RIC1: variants seen among roughly 807,000 people sequenced by gnomAD.
RIC1 encodes the protein RIC1 partner of RAB6A GEF complex, also known as guanine nucleotide exchange factor subunit RIC1.
RIC1 carries 88 observed loss-of-function variants against 169.0 expected under a neutral mutation model. The observed-to-expected ratio is 0.52, with a 90% confidence interval of 0.44 to 0.62. The LOEUF (loss-of-function observed/expected upper bound fraction) is 0.62. Among genes scored for constraint, RIC1 ranks in the 20% least tolerant of loss-of-function variants. The pLI is 0.00. For missense variants in RIC1, 1,877 were observed against 1,725.5 expected (o/e 1.09, Z -1.56); for synonymous variants, 790 against 601.5 (o/e 1.31, Z -4.59).
Position 5,629,274 on chromosome 9 carries a change from G to T in RIC1, c.-36G>T. The T allele has an allele frequency of 6.9e-7, 1 of 1,446,916 alleles. No homozygotes were observed. Among genetic ancestry groups the T allele is most frequent in the Non-Finnish European group, 9.1e-7 (1 of 1,098,394 alleles). 89.6% of individuals were successfully genotyped at this position (1,446,916 alleles called of 1,614,324 possible). ...CAGCCCGGGGCCGCTGAGTGTGACG[G>T]ACGCAACTGGGGGCGCCGGGGGCTC... On this transcript the variant is annotated 5_prime_UTR_variant, in exon 1 of 26. Coordinates refer to ENST00000414202, the MANE Select transcript of RIC1 (RefSeq NM_020829.4).
intron 1 of RIC1, among the ~76,000 whole-genome samples, chr9:5,645,838 T>G (rs921350720): frequency 1.3e-5 from 2 of 152,218 alleles, no homozygotes; most frequent in African/African-American, 4.8e-5. Flanking sequence ...TCTTGGATAT[T>G]GTGAATAATG....
At chr9:5,736,686 CT>C (rs1347039398) in intron 7 of RIC1, among the ~76,000 whole-genome samples, 1 of 152,058 alleles carries the variant, frequency 6.6e-6, no homozygotes, top group African/African-American at 2.4e-5. Flanking sequence ...TGAAATTAAA[CT>C]TCTAGAGGTG....
At chr9:5,653,258 C>G (rs1249888223) in intron 1 of RIC1, among the ~76,000 whole-genome samples, 2 of 151,934 alleles carry the variant, frequency 1.3e-5, no homozygotes, top group African/African-American at 4.8e-5. Flanking sequence ...GTGTCTATTT[C>G]TGGGCTCTCT....
intron 3 of RIC1, among the ~76,000 whole-genome samples, chr9:5,704,925 C>G (rs924616630): frequency 6.6e-6 from 1 of 152,090 alleles, no homozygotes; most frequent in Non-Finnish European, 1.5e-5. Flanking sequence ...AATGTTGTTT[C>G]CCCTGTTGAG....
chr9:5,725,468 C>G (rs1823908325), intron 6 of RIC1, among the ~76,000 whole-genome samples: 1 of 152,116 alleles, frequency 6.6e-6, no homozygotes, highest in African/African-American at 2.4e-5. Flanking sequence ...ATTAGTCTTG[C>G]TAGTGGTCTA....
At chr9:5,684,601 A>G (rs1044586693) in intron 2 of RIC1, among the ~76,000 whole-genome samples, 1 of 152,120 alleles carries the variant, frequency 6.6e-6, no homozygotes, top group African/African-American at 2.4e-5. Flanking sequence ...TGTGTCCAGC[A>G]GTCATACTAA....
chr9:5,632,632 G>C (rs1225392922), intron 1 of RIC1, among the ~76,000 whole-genome samples: 3 of 152,166 alleles, frequency 2.0e-5, no homozygotes, highest in Non-Finnish European at 2.9e-5. Context: ...TGGGGTGGTA[G>C]AGGTAGAACT....
intron 4 of RIC1, among the ~76,000 whole-genome samples, chr9:5,714,842 T>A (rs1176198207): frequency 6.6e-6 from 1 of 152,172 alleles, no homozygotes; most frequent in Non-Finnish European, 1.5e-5. Flanking sequence ...GGGAAAAGCT[T>A]TTTATTGTGT....
At chr9:5,685,849 A>G (rs1779414674) in intron 2 of RIC1, among the ~76,000 whole-genome samples, 1 of 135,242 alleles carries the variant, frequency 7.4e-6, no homozygotes, top group African/African-American at 2.6e-5. Flanking sequence ...AACCTACAAC[A>G]TGGGAGAAAA....
intron 2 of RIC1, among the ~76,000 whole-genome samples, chr9:5,667,705 A>G (rs764538141): frequency 4.6e-5 from 7 of 151,972 alleles, no homozygotes; most frequent in Non-Finnish European, 7.4e-5. Context: ...TGATCTCACT[A>G]CGTTGGCCAG....
intron 17 of RIC1, among the ~76,000 whole-genome samples, chr9:5,760,131 A>G (rs2131077725): frequency 6.6e-6 from 1 of 152,364 alleles, no homozygotes; most frequent in African/African-American, 2.4e-5. Flanking sequence ...TAGTAGTAAC[A>G]GTGAAAACTC....
chr9:5,641,017 C>G (rs534148866), intron 1 of RIC1, among the ~76,000 whole-genome samples: 8 of 150,778 alleles, frequency 5.3e-5, no homozygotes, highest in Non-Finnish European at 8.9e-5. Flanking sequence ...TTTCTCTTGC[C>G]GTTTTTAGGA....
chr9:5,739,834 C>G (rs1201319723), intron 8 of RIC1, among the ~76,000 whole-genome samples: 3 of 149,710 alleles, frequency 2.0e-5, no homozygotes, highest in Non-Finnish European at 3.0e-5. Context: ...TCCTCCCACA[C>G]ATCCCCTTTC....
At chr9:5,756,094 C>G (rs372413222) in intron 15 of RIC1, 118 bp from the exon 16 acceptor site, 34 of 516,284 alleles carry the variant, frequency 6.6e-5, no homozygotes, top group African/African-American at 5.8e-4. Flanking sequence ...GTTCTTTTAA[C>G]TCCTGTTACT....
At chr9:5,720,854 G>A in intron 6 of RIC1, 104 bp downstream of exon 6, 1 of 1,081,628 alleles carries the variant, frequency 9.2e-7, no homozygotes, top group Non-Finnish European at 1.3e-6. Flanking sequence ...GATTTTAAGG[G>A]TTGTTAATTT....
At chr9:5,685,164 G>A (rs1355518301) in intron 2 of RIC1, among the ~76,000 whole-genome samples, 5 of 150,756 alleles carry the variant, frequency 3.3e-5, no homozygotes, top group Non-Finnish European at 5.9e-5. Context: ...ATGCTCATGG[G>A]TAGGAAGAAT....
At chr9:5,640,376 ACTCTACACTTTAACTTCATCC>A (rs1220646572) in intron 1 of RIC1, among the ~76,000 whole-genome samples, 16 of 151,146 alleles carry the variant, frequency 1.1e-4, no homozygotes, top group African/African-American at 1.7e-4. Context: ...TGTAATTAAA[ACTCTACACTTTAACTTCATCC>A]CTCTACACTT....
intron 9 of RIC1, 22 bp downstream of exon 9, chr9:5,743,035 T>G (rs1168268022): frequency 1.3e-6 from 2 of 1,595,386 alleles, no homozygotes; most frequent in Non-Finnish European, 1.7e-6. Context: ...AAGACAATTT[T>G]TAGATAAAAT....
At chr9:5,738,633 C>A in intron 8 of RIC1, 95 bp downstream of exon 8, 1 of 680,550 alleles carries the variant, frequency 1.5e-6, no homozygotes, top group Non-Finnish European at 2.3e-6. Flanking sequence ...CAATACATGT[C>A]ATGCTATAGG....
Sources: gnomAD v4.1 joint callset for allele counts (sites outside exome capture counted in the v4.1 genomes callset) on GRCh38, gnomAD v4.1.1 for gene constraint, MANE v1.5 for transcripts, NCBI Gene and HGNC (gene_info 2026-07-23, HGNC 2026-07-21) for gene names.